SUGCT: variants seen among roughly 807,000 people sequenced by gnomAD.
SUGCT encodes succinyl-CoA:glutarate-CoA transferase.
SUGCT carries 41 observed loss-of-function variants against 55.0 expected under a neutral mutation model. The ratio of observed to expected loss-of-function variants is 0.74; its 90% CI spans 0.58 to 0.97. SUGCT has a LOEUF of 0.97. Ranked by LOEUF, SUGCT falls within the 50% of genes least tolerant of loss-of-function variation. SUGCT has a pLI of 0.00. For missense variants in SUGCT, 568 were observed against 547.8 expected, an observed-to-expected ratio of 1.04 and a Z score of -0.37; for synonymous variants, 187 against 200.4, an observed-to-expected ratio of 0.93 and a Z score of 0.56.
At chr7:40,957,405 G>A in the SUGCT span, among the ~76,000 whole-genome samples, 1 of 141,138 alleles carries the variant, frequency 7.1e-6, no homozygotes, top group Non-Finnish European at 1.5e-5. Flanking sequence ...ATCTTTGTTG[G>A]TTTAAAGTTG....
intron 12 of SUGCT, among the ~76,000 whole-genome samples, chr7:40,666,550 C>T (rs1045786166): frequency 3.5e-5 from 5 of 143,224 alleles, no homozygotes; most frequent in African/African-American, 5.3e-5. Context: ...AAGTAGTGGG[C>T]GGATAGTGGG....
chr7:40,834,938 AT>A (rs1227764790), intron 13 of SUGCT, among the ~76,000 whole-genome samples: 1 of 152,118 alleles, frequency 6.6e-6, no homozygotes, highest in Non-Finnish European at 1.5e-5. Flanking sequence ...TCGATGTGTC[AT>A]TTGTAAAATG....
intron 12 of SUGCT, among the ~76,000 whole-genome samples, chr7:40,669,098 C>G (rs923115763): frequency 2.0e-5 from 3 of 152,008 alleles, no homozygotes; most frequent in Admixed American, 2.0e-4. Flanking sequence ...ATTTTTTGCC[C>G]CTTCCATTCA....
chr7:40,711,501 A>T (rs1399173362), intron 12 of SUGCT, among the ~76,000 whole-genome samples: 1 of 151,242 alleles, frequency 6.6e-6, no homozygotes, highest in Non-Finnish European at 1.5e-5. Flanking sequence ...GACTCTATCT[A>T]AAAAAAAAGA....
chr7:40,636,999 G>T (rs2151818164), intron 12 of SUGCT, among the ~76,000 whole-genome samples: 1 of 152,188 alleles, frequency 6.6e-6, no homozygotes, highest in South Asian at 2.1e-4. Flanking sequence ...GTGCTCCTGG[G>T]GCTAAAAGAT....
intron 12 of SUGCT, among the ~76,000 whole-genome samples, chr7:40,734,701 C>CT (rs1162808955): frequency 1.3e-5 from 2 of 152,052 alleles, no homozygotes; most frequent in Non-Finnish European, 2.9e-5. Context: ...CCTCCTTACA[C>CT]TTTTTTGTTA....
Position 40,189,599 on chromosome 7 carries a change from A to C in SUGCT, c.363+5A>C, listed in dbSNP as rs752951817. The C allele has an allele frequency of 7.1e-7, 1 of 1,408,258 alleles. No individual in the cohort carries two copies. The highest frequency in any genetic ancestry group is 9.5e-7 in the Non-Finnish European group (1 of 1,055,984). The allele number at this position is 1,408,258 out of a possible 1,614,324, so 87.2% of individuals were successfully genotyped here. A position where few individuals can be genotyped will look rare whatever the true frequency, so the allele number is the denominator to read the frequency against. On this transcript the variant is annotated splice_donor_5th_base_variant and intron_variant, in intron 5 of 13. Coordinates refer to ENST00000335693, the MANE Select transcript of SUGCT (RefSeq NM_001193313.2). The stretch of plus-strand genomic sequence containing the variant: ...GGGGTGAAAATCATCAAAGAGGTAC[A>C]GTATGATGTATAGAAAGCATCCTAC...
chr7:40,220,812 A>G (rs1787977867), intron 6 of SUGCT, among the ~76,000 whole-genome samples: 1 of 152,208 alleles, frequency 6.6e-6, no homozygotes, highest in African/African-American at 2.4e-5. Context: ...GACTCACCCA[A>G]CACAAAATGT....
At chr7:40,208,661 C>G (rs939397718) in intron 6 of SUGCT, among the ~76,000 whole-genome samples, 1 of 152,030 alleles carries the variant, frequency 6.6e-6, no homozygotes, top group Non-Finnish European at 1.5e-5. Flanking sequence ...TCTCCTGCCT[C>G]AGGCTCCTGA....
intron 6 of SUGCT, among the ~76,000 whole-genome samples, chr7:40,204,486 T>C (rs1447046260): frequency 6.6e-6 from 1 of 151,934 alleles, no homozygotes; most frequent in Non-Finnish European, 1.5e-5. Flanking sequence ...CTATTTTTAG[T>C]AGAGACAGGG....
Position 40,459,160 on chromosome 7 carries a change from A to C in SUGCT, c.948A>C (p.Val316=), listed in dbSNP as rs549391633. Residue 316 remains valine (V), a synonymous_variant, in exon 11 of 14, where the codon GTA becomes GTC. Coordinates refer to ENST00000335693, the MANE Select transcript of SUGCT (RefSeq NM_001193313.2). ...AGTATAAAACTAACCACCTTCGGGT[A>C]CACAATAGAAAAGAGCTTATTAAAA... ...NSKYKTNHLR[V]HNRKELIKIL... The C allele has an allele frequency of 6.2e-7, 1 of 1,611,244 alleles. No homozygotes were observed. Among genetic ancestry groups the C allele is most frequent in the South Asian group, 1.1e-5 (1 of 90,980 alleles).
chr7:40,651,231 C>T lies in SUGCT; in HGVS notation c.1090-98203C>T, dbSNP rs143303306. Among the ~76,000 whole-genome samples the T allele has an allele frequency of 2.3e-3, 352 of 152,282 alleles. 1 individual carries two copies. Among genetic ancestry groups the T allele is most frequent in the African/African-American group, 7.5e-3 (313 of 41,570 alleles). On this transcript the variant is annotated intron_variant, in intron 12 of 13. Coordinates refer to ENST00000335693, the MANE Select transcript of SUGCT (RefSeq NM_001193313.2). ...ACCAACAGTGTAAAAGCATTCCTAT[C>T]TCTCTGCACTTCACCAGCATCTGTT...
At chr7:41,013,247 A>G in the SUGCT span, among the ~76,000 whole-genome samples, 1 of 152,200 alleles carries the variant, frequency 6.6e-6, no homozygotes, top group Admixed American at 6.5e-5. Flanking sequence ...TCATTTACAT[A>G]GATCTGGATG....
intron 1 of SUGCT, among the ~76,000 whole-genome samples, chr7:40,140,433 C>T (rs1787923066): frequency 6.6e-6 from 1 of 151,178 alleles, no homozygotes; most frequent in African/African-American, 2.4e-5. Flanking sequence ...TAGAGTCTTG[C>T]TCTGTTGCCC....
chr7:40,288,943 G>T (rs1223989299), intron 8 of SUGCT, among the ~76,000 whole-genome samples: 1 of 152,130 alleles, frequency 6.6e-6, no homozygotes, highest in Non-Finnish European at 1.5e-5. Context: ...ACAGAAGAAT[G>T]GGCTGATGCT....
At chr7:40,821,721 G>A (rs1792027730) in intron 13 of SUGCT, among the ~76,000 whole-genome samples, 2 of 152,046 alleles carry the variant, frequency 1.3e-5, no homozygotes, top group African/African-American at 4.8e-5. Flanking sequence ...ACCAGCTCCT[G>A]GATTCATTGA....
At chr7:40,541,418 A>T (rs1172403936) in intron 12 of SUGCT, among the ~76,000 whole-genome samples, 1 of 152,216 alleles carries the variant, frequency 6.6e-6, no homozygotes, top group Admixed American at 6.5e-5. Context: ...TCTCTTTGAC[A>T]TATAGATTAA....
chr7:40,401,957 T>G (rs992012577), intron 9 of SUGCT, among the ~76,000 whole-genome samples: 3 of 152,216 alleles, frequency 2.0e-5, no homozygotes, highest in Non-Finnish European at 2.9e-5. Context: ...CTCTTAATAT[T>G]TTGGGTTTCA....
intron 7 of SUGCT, among the ~76,000 whole-genome samples, chr7:40,258,870 A>G (rs1360605807): frequency 1.3e-5 from 2 of 152,208 alleles, no homozygotes; most frequent in African/African-American, 4.8e-5. Flanking sequence ...AATGTGGAAG[A>G]GATATGTGCA....
Sources: gnomAD v4.1 joint callset for allele counts (sites outside exome capture counted in the v4.1 genomes callset) on GRCh38, gnomAD v4.1.1 for gene constraint, MANE v1.5 for transcripts, NCBI Gene and HGNC (gene_info 2026-07-23, HGNC 2026-07-21) for gene names.